Variants in ABHD17B observed in about 807,000 individuals in gnomAD.
ABHD17B encodes alpha/beta hydrolase domain-containing protein 17B.
ABHD17B carries 9 observed loss-of-function variants against 26.2 expected under a neutral mutation model. That is an observed-to-expected ratio of 0.34 (90% CI 0.21 to 0.60). The LOEUF (loss-of-function observed/expected upper bound fraction) is 0.60. Ranked by LOEUF, ABHD17B falls within the 20% of genes least tolerant of loss-of-function variation. The pLI, the probability that ABHD17B is intolerant of heterozygous loss-of-function variation, is 0.80. For missense variants in ABHD17B, 224 were observed against 352.1 expected, an observed-to-expected ratio of 0.64 and a Z score of 2.91; for synonymous variants, 127 against 122.3, an observed-to-expected ratio of 1.04 and a Z score of -0.25.
At chr9:71,882,592 A>C (rs1436848193) in intron 1 of ABHD17B, among the ~76,000 whole-genome samples, 2 of 151,324 alleles carry the variant, frequency 1.3e-5, no homozygotes, top group Non-Finnish European at 2.9e-5. Flanking sequence ...CGGGAGGCGG[A>C]GGTTGCAGTG....
intron 1 of ABHD17B, among the ~76,000 whole-genome samples, chr9:71,909,816 C>G (rs930975264): frequency 1.3e-5 from 2 of 151,860 alleles, no homozygotes; most frequent in African/African-American, 4.8e-5. Flanking sequence ...GCATCATTTA[C>G]AAAAAATTCT....
At chr9:71,909,227 A>G (rs1400950106) in intron 1 of ABHD17B, among the ~76,000 whole-genome samples, 1 of 152,210 alleles carries the variant, frequency 6.6e-6, no homozygotes, top group Non-Finnish European at 1.5e-5. Context: ...TATTAACACT[A>G]GAGTAGGAGA....
rs76844621 is a variant in ABHD17B, at chr9:71,874,384, C to T, written c.467+230G>A. ...AAGTTAAAAAAAACATACATATATA[C>T]GTGTATTAATGTAGACAAACAAACC... On this transcript the variant is annotated intron_variant, in intron 2 of 3. Transcript: ENST00000333421. 5.2e-3 allele frequency among the ~76,000 whole-genome samples: 797 copies of T among 152,108 alleles called. 6 individuals carry two copies. Among genetic ancestry groups the T allele is most frequent in the African/African-American group, 0.018 (759 of 41,504 alleles).
intron 1 of ABHD17B, chr9:71,902,441 G>GT (rs998034515): frequency 4.2e-4 from 37 of 88,058 alleles, no homozygotes; most frequent in South Asian, 1.3e-3. Flanking sequence ...CACCCTTTTA[G>GT]TTTTTTTATT....
chr9:71,889,606 A>C (rs1378088104), intron 1 of ABHD17B, among the ~76,000 whole-genome samples: 1 of 152,166 alleles, frequency 6.6e-6, no homozygotes, highest in African/African-American at 2.4e-5. Context: ...TCTCTACTGT[A>C]AGTGGGATGT....
chr9:71,869,613 A>G (rs1412903170), intron 3 of ABHD17B, among the ~76,000 whole-genome samples: 6 of 151,930 alleles, frequency 3.9e-5, no homozygotes, highest in African/African-American at 1.4e-4. Context: ...TTTTCAATTC[A>G]CTTCTTTTGT....
chr9:71,886,259 C>T (rs537414694), intron 1 of ABHD17B, among the ~76,000 whole-genome samples: 2 of 152,114 alleles, frequency 1.3e-5, no homozygotes, highest in Non-Finnish European at 2.9e-5. Flanking sequence ...TGAATATTCA[C>T]CTTGAAAGAA....
intron 1 of ABHD17B, among the ~76,000 whole-genome samples, chr9:71,909,586 G>A (rs1827383545): frequency 6.6e-6 from 1 of 152,060 alleles, no homozygotes; most frequent in East Asian, 1.9e-4. Context: ...TTTCTACTCC[G>A]ACTCATTAGG....
chr9:71,897,295 C>T (rs1826985844), intron 1 of ABHD17B, among the ~76,000 whole-genome samples: 1 of 138,198 alleles, frequency 7.2e-6, no homozygotes, highest in South Asian at 2.7e-4. Flanking sequence ...CTTTGGGAGG[C>T]CAAGGTGGAA....
Position 71,875,093 on chromosome 9 carries a change from A to C in ABHD17B, c.-3-10T>G. On this transcript the variant is annotated splice_polypyrimidine_tract_variant and intron_variant, in intron 1 of 3. Coordinates refer to ENST00000333421, the MANE Select transcript of ABHD17B (RefSeq NM_001025780.3). The stretch of plus-strand genomic sequence containing the variant: ...AAAGATTATTCATGCTCTGAAAAAG[A>C]AAAGGAGATAGCAAATATTTTAATA... 6.3e-7 allele frequency: 1 copy of C among 1,584,128 alleles called. No homozygotes were observed. Among genetic ancestry groups the C allele is most frequent in the Non-Finnish European group, 8.6e-7 (1 of 1,158,962 alleles).
intron 1 of ABHD17B, among the ~76,000 whole-genome samples, chr9:71,884,764 G>T (rs1011576176): frequency 2.0e-5 from 3 of 151,900 alleles, no homozygotes; most frequent in Non-Finnish European, 4.4e-5. Context: ...CTTACAACTG[G>T]ACATCTAGTA....
intron 1 of ABHD17B, among the ~76,000 whole-genome samples, chr9:71,893,890 T>C (rs1349257556): frequency 6.6e-6 from 1 of 151,770 alleles, no homozygotes; most frequent in Non-Finnish European, 1.5e-5. Context: ...GAGATGGAGA[T>C]CATCCTGGCT....
intron 3 of ABHD17B, among the ~76,000 whole-genome samples, chr9:71,867,666 CAA>C (rs1383074979): frequency 6.6e-6 from 1 of 152,080 alleles, no homozygotes; most frequent in Admixed American, 6.6e-5. Flanking sequence ...AGGATTTTTG[CAA>C]AGTCTGTGTA....
chr9:71,906,046 C>T (rs1295816504), intron 1 of ABHD17B, among the ~76,000 whole-genome samples: 4 of 151,866 alleles, frequency 2.6e-5, no homozygotes, highest in African/African-American at 9.7e-5. Flanking sequence ...GAGAATCTGT[C>T]TCAAAAAATA....
intron 1 of ABHD17B, among the ~76,000 whole-genome samples, chr9:71,881,837 G>A (rs990288260): frequency 1.3e-5 from 2 of 149,602 alleles, no homozygotes; most frequent in Non-Finnish European, 3.0e-5. Flanking sequence ...AGTGAGCTGA[G>A]ATCACGCCAC....
intron 1 of ABHD17B, among the ~76,000 whole-genome samples, chr9:71,901,903 G>T (rs1206298649): frequency 1.3e-5 from 2 of 152,120 alleles, no homozygotes; most frequent in Non-Finnish European, 2.9e-5. Flanking sequence ...GTTCCAATGG[G>T]CCTTTCAAGC....
At chr9:71,874,438 C>T (rs1250215554) in intron 2 of ABHD17B, among the ~76,000 whole-genome samples, 176 bp downstream of exon 2, 1 of 152,050 alleles carries the variant, frequency 6.6e-6, no homozygotes, top group Non-Finnish European at 1.5e-5. Context: ...CTTTGTTTTG[C>T]TATTATGTGA....
intron 3 of ABHD17B, among the ~76,000 whole-genome samples, chr9:71,869,536 T>C (rs1364881730): frequency 1.3e-5 from 2 of 152,208 alleles, no homozygotes; most frequent in Non-Finnish European, 2.9e-5. Flanking sequence ...TTCAAATACA[T>C]CTAAGTATGT....
intron 1 of ABHD17B, among the ~76,000 whole-genome samples, chr9:71,878,225 T>C (rs1360909087): frequency 6.6e-6 from 1 of 151,938 alleles, no homozygotes; most frequent in Non-Finnish European, 1.5e-5. Flanking sequence ...CCAGACGCAG[T>C]GGATTGCTTG....
Sources: allele counts gnomAD v4.1 joint callset (sites outside exome capture counted in the v4.1 genomes callset), GRCh38; gene constraint gnomAD v4.1.1; transcripts MANE v1.5; gene names NCBI Gene and HGNC (gene_info 2026-07-23, HGNC 2026-07-21).